The following ACSS3 variants were observed in gnomAD, a reference collection of about 807,000 sequenced individuals.
ACSS3 encodes the protein acyl-CoA synthetase short-chain family member 3, mitochondrial.
In ACSS3, 64 loss-of-function variants were observed where a neutral mutation model predicts 84.2. The ratio of observed to expected loss-of-function variants is 0.76; its 90% CI spans 0.62 to 0.94. The LOEUF is 0.94. Among genes scored for constraint, ACSS3 ranks in the 40% least tolerant of loss-of-function variants. The probability of loss-of-function intolerance (pLI) is 0.00; values close to 1 mark genes in which losing one functional copy is unlikely to be tolerated. For missense variants in ACSS3, 815 were observed against 867.6 expected (o/e 0.94, Z 0.76); for synonymous variants, 317 against 310.1 (o/e 1.02, Z -0.23).
rs1044328560 is a variant in ACSS3 at position 81,239,726 on chromosome 12, G to A, written c.1719+6255G>A. Among the ~76,000 whole-genome samples, 3 of 151,962 alleles carry A rather than the reference G, an allele frequency of 2.0e-5. No individual in the cohort carries two copies. The South Asian group carries it at 6.2e-4, about 32-fold the overall frequency. On this transcript the variant is annotated intron_variant, in intron 13 of 15. Coordinates refer to ENST00000548058, the MANE Select transcript of ACSS3 (RefSeq NM_024560.4). ...CACCAGGTCCCTCCCATGACACATG[G>A]GAATTATGGAAGCCACAATTCAAGA...
intron 10 of ACSS3, among the ~76,000 whole-genome samples, chr12:81,218,938 T>TA (rs930063555): frequency 4.6e-4 from 69 of 150,628 alleles, no homozygotes; most frequent in Admixed American, 1.1e-3. Context: ...AGTATAATAA[T>TA]AAAAAAAAAC....
At chr12:81,208,673 A>C (rs920198373) in intron 9 of ACSS3, among the ~76,000 whole-genome samples, 1 of 150,290 alleles carries the variant, frequency 6.7e-6, no homozygotes, top group Non-Finnish European at 1.5e-5. Flanking sequence ...CCTTTACAAA[A>C]CCCCCCATGT....
rs542658186 is a variant in ACSS3, at chr12:81,189,567, TG to T, written c.1251-9773del. 2.6e-4 allele frequency among the ~76,000 whole-genome samples: 39 copies of T among 152,262 alleles called. 1 individual carries two copies. In the South Asian group the frequency reaches 7.9e-3, roughly 31 times the overall value. The stretch of plus-strand genomic sequence containing the variant: ...TTTTATTTTCTCTTTCTTGTTAATT[TG>T]TAGGAGTTTTTCATACTTTATTTTG... On this transcript the variant is annotated intron_variant, in intron 8 of 15. Transcript: ENST00000548058.
At chr12:81,199,758 C>A in intron 9 of ACSS3, 1 of 1,108,754 alleles carries the variant, frequency 9.0e-7, no homozygotes, top group Middle Eastern at 2.3e-4. Flanking sequence ...CTGTTGGGTT[C>A]ATTCCACCTT....
At chr12:81,231,223 T>C (rs1284847685) in intron 12 of ACSS3, 85 bp downstream of exon 12, 9 of 1,157,026 alleles carry the variant, frequency 7.8e-6, no homozygotes, top group Non-Finnish European at 9.7e-6. Context: ...GCTCCTAGAA[T>C]CGTAGATCAA....
At chr12:81,101,510 C>T (rs1351760208) in intron 1 of ACSS3, among the ~76,000 whole-genome samples, 1 of 151,934 alleles carries the variant, frequency 6.6e-6, no homozygotes, top group Admixed American at 6.6e-5. Flanking sequence ...TTATATAATA[C>T]AAAACATAGA....
intron 2 of ACSS3, among the ~76,000 whole-genome samples, chr12:81,115,771 G>T (rs1883990695): frequency 6.6e-6 from 1 of 152,120 alleles, no homozygotes; most frequent in South Asian, 2.1e-4. Context: ...AGATTCTTTA[G>T]TGAGCTGATG....
chr12:81,185,318 A>G (rs549043182), intron 8 of ACSS3, among the ~76,000 whole-genome samples: 1 of 151,758 alleles, frequency 6.6e-6, no homozygotes, highest in Non-Finnish European at 1.5e-5. Context: ...TGCCACTTCT[A>G]TTCAACATAA....
chr12:81,124,723 C>T (rs1643963329), intron 2 of ACSS3, among the ~76,000 whole-genome samples: 1 of 152,140 alleles, frequency 6.6e-6, no homozygotes, highest in Non-Finnish European at 1.5e-5. Flanking sequence ...TCAAACCTAG[C>T]AATGATTATA....
chr12:81,081,463 G>C (rs1880971473), intron 1 of ACSS3, among the ~76,000 whole-genome samples: 1 of 152,146 alleles, frequency 6.6e-6, no homozygotes, highest in South Asian at 2.1e-4. Context: ...CTCTATTAGA[G>C]AGACTTCAGT....
chr12:81,173,386 G>A (rs2030224132), intron 7 of ACSS3, among the ~76,000 whole-genome samples: 1 of 152,052 alleles, frequency 6.6e-6, no homozygotes, highest in Non-Finnish European at 1.5e-5. Context: ...TCAGCTGCAG[G>A]AAATACTTTC....
intron 1 of ACSS3, among the ~76,000 whole-genome samples, chr12:81,105,966 T>G (rs1308783498): frequency 1.3e-5 from 2 of 152,176 alleles, no homozygotes; most frequent in Non-Finnish European, 2.9e-5. Context: ...GGAAGCTGAC[T>G]GAATTCAAGG....
chr12:81,131,933 T>A (rs767013056), intron 2 of ACSS3, among the ~76,000 whole-genome samples: 6 of 152,200 alleles, frequency 3.9e-5, no homozygotes, highest in African/African-American at 7.2e-5. Context: ...TTACGTTTAT[T>A]GATTTGCCTA....
At chr12:81,206,778 G>C (rs2032368381) in intron 9 of ACSS3, among the ~76,000 whole-genome samples, 2 of 152,106 alleles carry the variant, frequency 1.3e-5, no homozygotes, top group South Asian at 4.1e-4. Flanking sequence ...TTTGTGGAAA[G>C]AATAACCTTT....
chr12:81,131,214 G>T lies in ACSS3; in HGVS notation c.457-3602G>T, dbSNP rs575204597. Among the ~76,000 whole-genome samples, 29 of 152,212 alleles carry T rather than the reference G, an allele frequency of 1.9e-4. No homozygotes were observed. The South Asian group carries it at 3.3e-3, about 17-fold the overall frequency. On this transcript the variant is annotated intron_variant, in intron 2 of 15. Transcript: ENST00000548058. ...TGGCAATAAATCTATAAATTACCTTGGGCAGTATGGCCATTTTCACAATAT... is the reference window on the plus strand; with the variant it reads ...TGGCAATAAATCTATAAATTACCTTTGGCAGTATGGCCATTTTCACAATAT...
chr12:81,162,493 C>A (rs533149392), intron 7 of ACSS3, among the ~76,000 whole-genome samples: 1 of 152,274 alleles, frequency 6.6e-6, no homozygotes, highest in East Asian at 1.9e-4. Context: ...GGAGAAAGTG[C>A]ATGCTGATTG....
intron 2 of ACSS3, among the ~76,000 whole-genome samples, chr12:81,123,681 A>T (rs1230419267): frequency 6.6e-6 from 1 of 151,864 alleles, no homozygotes; most frequent in Non-Finnish European, 1.5e-5. Flanking sequence ...CCATATGTAC[A>T]CAATGTTTAG....
chr12:81,090,201 T>C (rs1448186491), intron 1 of ACSS3, among the ~76,000 whole-genome samples: 1 of 152,044 alleles, frequency 6.6e-6, no homozygotes, highest in Non-Finnish European at 1.5e-5. Flanking sequence ...CTTTTTGATT[T>C]CGTCGCCTTT....
intron 9 of ACSS3, among the ~76,000 whole-genome samples, chr12:81,202,692 C>T (rs1345012768): frequency 6.6e-6 from 1 of 152,038 alleles, no homozygotes; most frequent in African/African-American, 2.4e-5. Flanking sequence ...ATGAATAATT[C>T]ATGAATTTGC....
Sources: gnomAD v4.1 joint callset for allele counts (sites outside exome capture counted in the v4.1 genomes callset) on GRCh38, gnomAD v4.1.1 for gene constraint, MANE v1.5 for transcripts, NCBI Gene and HGNC (gene_info 2026-07-23, HGNC 2026-07-21) for gene names.